PGM5: variants seen among roughly 807,000 people sequenced by gnomAD.
The protein encoded by PGM5 is phosphoglucomutase-like protein 5.
A neutral mutation model predicts 59.2 loss-of-function variants in PGM5; 23 were observed. The observed-to-expected ratio is 0.39, with a 90% confidence interval of 0.28 to 0.55. PGM5 has a LOEUF of 0.55. Ranked by LOEUF, PGM5 falls within the 20% of genes least tolerant of loss-of-function variation. The pLI is 0.66. For synonymous variants in PGM5, 214 were observed against 286.0 expected, an observed-to-expected ratio of 0.75 and a Z score of 2.54; for missense variants, 574 against 748.3, an observed-to-expected ratio of 0.77 and a Z score of 2.72.
chr9:68,449,980 G>A lies in PGM5; in HGVS notation c.1044-15113G>A, dbSNP rs539685289. 2.0e-5 allele frequency among the ~76,000 whole-genome samples: 3 copies of A among 152,294 alleles called. No homozygotes were observed. The East Asian group carries it at 5.8e-4, about 29-fold the overall frequency. On this transcript the variant is annotated intron_variant, in intron 6 of 10. Transcript: ENST00000396396. ...AGAGAGATGTCCAGGGGAGGCAAGA[G>A]TTGGACCTCAGCCTGCTGGGGTTTG... is the stretch of plus-strand genomic sequence containing the variant.
Position 68,470,265 on chromosome 9 carries a change from G to A in PGM5, c.1159+5057G>A, listed in dbSNP as rs180926792. On this transcript the variant is annotated intron_variant, in intron 7 of 10. Transcript: ENST00000396396. ...AACAGTGGGCTAGGTTCCAGCTTTA[G>A]TGATCTTTTGTATGCACCAAATTCT... is the stretch of plus-strand genomic sequence containing the variant. Among the ~76,000 whole-genome samples, 3 of 152,252 alleles carry A rather than the reference G, an allele frequency of 2.0e-5. No homozygotes were observed. In the East Asian group the frequency reaches 5.8e-4, roughly 29 times the overall value.
At chr9:68,377,981 AATT>A (rs1210753245) in intron 1 of PGM5, among the ~76,000 whole-genome samples, 5 of 152,192 alleles carry the variant, frequency 3.3e-5, no homozygotes, top group Non-Finnish European at 4.4e-5. Flanking sequence ...ACAGGTTAAT[AATT>A]GACTACTAGA....
chr9:68,369,512 C>T (rs1554676998), intron 1 of PGM5, among the ~76,000 whole-genome samples: 4 of 152,032 alleles, frequency 2.6e-5, no homozygotes, highest in African/African-American at 9.7e-5. Flanking sequence ...CAGAGCACTT[C>T]CTATGTACTG....
At position 68,479,545 on chromosome 9, in the gene PGM5, C is replaced by T. The variant is rs782017756; in HGVS notation, c.1287C>T (p.Tyr429=). 1.2e-6 allele frequency: 2 copies of T among 1,613,972 alleles called. No individual in the cohort carries two copies. The highest frequency in any genetic ancestry group is 1.7e-5 in the Admixed American group (1 of 60,014). Residue 429 remains tyrosine (Y), a synonymous_variant, in exon 8 of 11, where the codon TAC becomes TAT. Coordinates refer to ENST00000396396, the MANE Select transcript of PGM5 (RefSeq NM_021965.4). ...ACTGGGCCAAATTTGGCCGCCACTACTATTGCAGGTGAGGAGAAGGGGAAG... is the reference window on the plus strand; with the variant it reads ...ACTGGGCCAAATTTGGCCGCCACTATTATTGCAGGTGAGGAGAAGGGGAAG... The part of the protein sequence containing the change: ...RDHWAKFGRH[Y]YCRFDYEGLD...
intron 10 of PGM5, among the ~76,000 whole-genome samples, chr9:68,526,055 C>CAA: frequency 1.6e-5 from 2 of 125,722 alleles, no homozygotes; most frequent in South Asian, 2.4e-4. Context: ...GACTCCTTCT[C>CAA]AAAAAAAAAA....
intron 6 of PGM5, chr9:68,398,257 T>A (rs1271122170): frequency 6.6e-6 from 1 of 152,230 alleles, no homozygotes. Flanking sequence ...AAGAAAGCCC[T>A]TTATCCTGTA....
intron 6 of PGM5, among the ~76,000 whole-genome samples, chr9:68,449,973 G>T (rs568969755): frequency 1.3e-5 from 2 of 152,274 alleles, no homozygotes; most frequent in African/African-American, 4.8e-5. Flanking sequence ...GTCCAGGGGA[G>T]GCAAGAGTTG....
chr9:68,380,582 A>G (rs1822042728), intron 2 of PGM5, among the ~76,000 whole-genome samples: 1 of 151,932 alleles, frequency 6.6e-6, no homozygotes, highest in Non-Finnish European at 1.5e-5. Context: ...AAAGGAAGGA[A>G]ATAATGAAGA....
intron 2 of PGM5, among the ~76,000 whole-genome samples, chr9:68,384,190 A>G (rs10115008): frequency 0.26 from 39,728 of 150,586 alleles, 5,257 homozygotes; most frequent in Admixed American, 0.34. Context: ...TTGTTAGTCT[A>G]CATAGAACAG....
chr9:68,400,389 G>A (rs1554680485), intron 6 of PGM5, among the ~76,000 whole-genome samples: 1 of 152,032 alleles, frequency 6.6e-6, no homozygotes, highest in Non-Finnish European at 1.5e-5. Flanking sequence ...TCACATTTCT[G>A]TGCCTTTGCA....
At chr9:68,416,097 T>C (rs1823026798) in intron 6 of PGM5, among the ~76,000 whole-genome samples, 1 of 152,212 alleles carries the variant, frequency 6.6e-6, no homozygotes. Context: ...ACCATGCTCA[T>C]GAGAAGATGT....
chr9:68,473,695 T>C (rs1398478721), intron 7 of PGM5, among the ~76,000 whole-genome samples: 2 of 152,188 alleles, frequency 1.3e-5, no homozygotes, highest in African/African-American at 4.8e-5. Flanking sequence ...CCTCTCTTAT[T>C]GTATGACCAA....
At chr9:68,467,887 A>G (rs1173757709) in intron 7 of PGM5, among the ~76,000 whole-genome samples, 5 of 152,120 alleles carry the variant, frequency 3.3e-5, no homozygotes, top group African/African-American at 1.2e-4. Flanking sequence ...TATTAATTTA[A>G]TTATCATATT....
chr9:68,500,980 G>C (rs1268752299), intron 10 of PGM5, among the ~76,000 whole-genome samples: 1 of 151,448 alleles, frequency 6.6e-6, no homozygotes, highest in Non-Finnish European at 1.5e-5. Context: ...CTTTTCCCAA[G>C]GCTTCCTTTG....
chr9:68,453,339 C>A (rs1036677314), intron 6 of PGM5, among the ~76,000 whole-genome samples: 2 of 152,024 alleles, frequency 1.3e-5, no homozygotes, highest in Non-Finnish European at 2.9e-5. Flanking sequence ...CTTAAACTTT[C>A]TGGTTTGGTT....
chr9:68,430,931 G>A (rs1554682963), intron 6 of PGM5, among the ~76,000 whole-genome samples: 1 of 152,126 alleles, frequency 6.6e-6, no homozygotes, highest in African/African-American at 2.4e-5. Flanking sequence ...TCAATAAATA[G>A]TCCTTAGCAA....
At chr9:68,445,540 C>T (rs148473351) in intron 6 of PGM5, among the ~76,000 whole-genome samples, 244 of 152,306 alleles carry the variant, frequency 1.6e-3, no homozygotes, top group Non-Finnish European at 2.6e-3. Context: ...GGCTCCACCG[C>T]CTGCATATTG....
intron 6 of PGM5, chr9:68,405,070 T>A (rs539692016): frequency 6.6e-6 from 1 of 152,354 alleles, no homozygotes; most frequent in Non-Finnish European, 1.5e-5. Flanking sequence ...CTAGACCCCA[T>A]GCTCTTACAC....
intron 1 of PGM5, among the ~76,000 whole-genome samples, chr9:68,365,092 C>G (rs1210613945): frequency 6.6e-6 from 1 of 150,552 alleles, no homozygotes; most frequent in Non-Finnish European, 1.5e-5. Context: ...GAAGTTGGAA[C>G]CCACTTTTGG....
Sources: allele counts gnomAD v4.1 joint callset (sites outside exome capture counted in the v4.1 genomes callset), GRCh38; gene constraint gnomAD v4.1.1; transcripts MANE v1.5; gene names NCBI Gene and HGNC (gene_info 2026-07-23, HGNC 2026-07-21).